The following GOT1 variants were observed in gnomAD, a reference collection of about 807,000 sequenced individuals.
The protein encoded by GOT1 is glutamic-oxaloacetic transaminase 1.
In GOT1, 25 loss-of-function variants were observed where a neutral mutation model predicts 48.2. The ratio of observed to expected loss-of-function variants is 0.52; its 90% CI spans 0.38 to 0.72. The LOEUF is 0.72. Among genes scored for constraint, GOT1 ranks in the 30% least tolerant of loss-of-function variants. The pLI is 0.00. For synonymous variants in GOT1, 188 were observed against 193.8 expected, an observed-to-expected ratio of 0.97 and a Z score of 0.25; for missense variants, 380 against 520.1, an observed-to-expected ratio of 0.73 and a Z score of 2.62.
intron 2 of GOT1, among the ~76,000 whole-genome samples, chr10:99,412,478 A>T (rs970853831): frequency 2.0e-5 from 3 of 151,712 alleles, no homozygotes; most frequent in Non-Finnish European, 4.4e-5. Context: ...TAGTGAACTA[A>T]GACAGCAGCC....
At chr10:99,411,089 G>A (rs1442578461) in intron 2 of GOT1, among the ~76,000 whole-genome samples, 1 of 152,198 alleles carries the variant, frequency 6.6e-6, no homozygotes, top group Non-Finnish European at 1.5e-5. Context: ...ACGGCATCTG[G>A]CACATGGTAC....
Position 99,397,232 on chromosome 10 carries a change from C to T in GOT1, c.*315G>A, listed in dbSNP as rs2032613309. ...CAGAGTCAAACACCACATAGAAGCA[C>T]GTGGCCGCCACACACAACACTCCTT... On this transcript the variant is annotated 3_prime_UTR_variant, in exon 9 of 9. Coordinates refer to ENST00000370508, the MANE Select transcript of GOT1 (RefSeq NM_002079.3). This position sits in a 1 kb window ranked among gnomAD's most constrained non-coding sequence, Gnocchi z 5.4. 3.8e-6 allele frequency: 1 copy of T among 264,866 alleles called. No homozygotes were observed. Among genetic ancestry groups the T allele is most frequent in the Admixed American group, 4.5e-5 (1 of 22,080 alleles). 16.4% of individuals were successfully genotyped at this position (264,866 alleles called of 1,614,324 possible).
chr10:99,419,095 C>T (rs2032935350), intron 2 of GOT1, among the ~76,000 whole-genome samples: 1 of 152,152 alleles, frequency 6.6e-6, no homozygotes, highest in African/African-American at 2.4e-5. Context: ...TGTCCTCTGC[C>T]ATTCTGCTTA....
chr10:99,423,181 C>A (rs1484273929), intron 1 of GOT1, among the ~76,000 whole-genome samples: 1 of 152,106 alleles, frequency 6.6e-6, no homozygotes, highest in Non-Finnish European at 1.5e-5. Context: ...TATAATATGT[C>A]AAGTAGTTTT....
At chr10:99,406,432 C>T (rs548540774) in intron 3 of GOT1, among the ~76,000 whole-genome samples, 183 bp from the exon 4 acceptor site, 3 of 152,152 alleles carry the variant, frequency 2.0e-5, no homozygotes, top group Non-Finnish European at 4.4e-5. Flanking sequence ...CACATTAATG[C>T]CAGACTTATA....
intron 5 of GOT1, among the ~76,000 whole-genome samples, chr10:99,404,748 A>G (rs2032731015): frequency 6.6e-6 from 1 of 152,072 alleles, no homozygotes; most frequent in African/African-American, 2.4e-5. Context: ...GTGGCTCCGC[A>G]CTGCCCTGAG....
chr10:99,397,800 G>T lies in GOT1; in HGVS notation c.1103-114C>A. The T allele has an allele frequency of 2.0e-6, 2 of 1,022,030 alleles. No individual in the cohort carries two copies. The highest frequency in any genetic ancestry group is 1.6e-5 in the South Asian group (1 of 63,432). 63.3% of individuals were successfully genotyped at this position (1,022,030 alleles called of 1,614,324 possible). A position where few individuals can be genotyped will look rare whatever the true frequency, so the allele number is the denominator to read the frequency against. On this transcript the variant is annotated intron_variant, in intron 8 of 8. Coordinates refer to ENST00000370508, the MANE Select transcript of GOT1 (RefSeq NM_002079.3). The surrounding 1 kb of genome is among the most constrained non-coding windows in gnomAD (Gnocchi z 5.4). ...ACTTCTTTCCCCTTAACAGAGAGAAGCAAAACAAAAGGCGCTATTTTGTCC... is the reference window on the plus strand; with the variant it reads ...ACTTCTTTCCCCTTAACAGAGAGAATCAAAACAAAAGGCGCTATTTTGTCC...
At chr10:99,427,497 C>G (rs2033055131) in intron 1 of GOT1, among the ~76,000 whole-genome samples, 2 of 152,170 alleles carry the variant, frequency 1.3e-5, no homozygotes, top group Admixed American at 6.5e-5. Flanking sequence ...TCTCAATCTC[C>G]TGACCTCGTG....
chr10:99,398,233 A>G (rs2032624687), intron 8 of GOT1, among the ~76,000 whole-genome samples: 1 of 152,212 alleles, frequency 6.6e-6, no homozygotes, highest in African/African-American at 2.4e-5. Flanking sequence ...ACTTCTGTTC[A>G]TTTCTCAGCT....
intron 8 of GOT1, among the ~76,000 whole-genome samples, chr10:99,399,953 G>C (rs1488229602): frequency 6.6e-6 from 1 of 152,170 alleles, no homozygotes; most frequent in Non-Finnish European, 1.5e-5. Flanking sequence ...CAAGGGGATA[G>C]AGCCTCAAGC....
intron 2 of GOT1, among the ~76,000 whole-genome samples, chr10:99,413,523 A>G (rs1230830083): frequency 6.6e-6 from 1 of 152,230 alleles, no homozygotes; most frequent in Non-Finnish European, 1.5e-5. Flanking sequence ...TCTGCAGGAT[A>G]TTATCCAGGA....
At chr10:99,404,033 T>C (rs568107263) in intron 5 of GOT1, among the ~76,000 whole-genome samples, 159 bp from the exon 6 acceptor site, 1 of 152,168 alleles carries the variant, frequency 6.6e-6, no homozygotes, top group Non-Finnish European at 1.5e-5. Flanking sequence ...TACATCCATT[T>C]CTCTCTACAA....
chr10:99,405,265 T>C (rs1443388653), intron 5 of GOT1, among the ~76,000 whole-genome samples: 2 of 151,790 alleles, frequency 1.3e-5, no homozygotes, highest in African/African-American at 4.8e-5. Context: ...GCCAAAGAAA[T>C]AATAAAAGGA....
rs1284352556 is a variant in GOT1, at chr10:99,403,453, A to G, written c.959+16T>C. 4.4e-6 allele frequency: 7 copies of G among 1,601,860 alleles called. 1 individual carries two copies. In the South Asian group the frequency reaches 7.7e-5, roughly 18 times the overall value. ...CACTCCCCACCCCCCGGCCCACCAG[A>G]CTGGGAGCCCCTTACCATTCCTCAA... On this transcript the variant is annotated intron_variant, in intron 7 of 8. Transcript: ENST00000370508.
rs1037056219 is a variant in GOT1, at chr10:99,420,458, A to G, written c.300+166T>C. ...CAAGTGAAAAAGCCGTGCTTTGTAC[A>G]TGGCCACATTATTTGCGCTATCAGG... On this transcript the variant is annotated intron_variant, in intron 2 of 8. Coordinates refer to ENST00000370508, the MANE Select transcript of GOT1 (RefSeq NM_002079.3). The G allele has an allele frequency of 1.2e-5, 7 of 596,668 alleles. No homozygotes were observed. In the African/African-American group the frequency reaches 1.3e-4, roughly 11 times the overall value. 37.0% of individuals were successfully genotyped at this position (596,668 alleles called of 1,614,324 possible).
chr10:99,410,925 G>T (rs1318162051), intron 2 of GOT1, among the ~76,000 whole-genome samples: 2 of 152,192 alleles, frequency 1.3e-5, no homozygotes, highest in Non-Finnish European at 1.5e-5. Flanking sequence ...GCCTCTGTTG[G>T]ACATGTCAGC....
chr10:99,418,494 C>T (rs1382564296), intron 2 of GOT1, among the ~76,000 whole-genome samples: 2 of 140,634 alleles, frequency 1.4e-5, no homozygotes, highest in South Asian at 2.3e-4. Flanking sequence ...TCCCCACTTT[C>T]TTTTTTTTTT....
chr10:99,415,677 G>A (rs917255998), intron 2 of GOT1, among the ~76,000 whole-genome samples: 4 of 152,070 alleles, frequency 2.6e-5, no homozygotes, highest in Non-Finnish European at 4.4e-5. Context: ...GATGAACATC[G>A]ACGCAAAAAT....
At chr10:99,419,191 G>A (rs1169569277) in intron 2 of GOT1, among the ~76,000 whole-genome samples, 1 of 152,158 alleles carries the variant, frequency 6.6e-6, no homozygotes, top group African/African-American at 2.4e-5. Context: ...TCCAAGATGT[G>A]GTTTCCTCAA....
Sources: allele counts gnomAD v4.1 joint callset (sites outside exome capture counted in the v4.1 genomes callset), GRCh38; gene constraint gnomAD v4.1.1; non-coding constraint Gnocchi (gnomAD v3.1); transcripts MANE v1.5; gene names NCBI Gene and HGNC (gene_info 2026-07-23, HGNC 2026-07-21).